The following IGDCC3 variants were observed in gnomAD, a reference collection of about 807,000 sequenced individuals.
IGDCC3 encodes immunoglobulin superfamily DCC subclass member 3, also known as putative neuronal cell adhesion molecule.
In IGDCC3, 47 loss-of-function variants were observed where a neutral mutation model predicts 72.0. That is an observed-to-expected ratio of 0.65 (90% CI 0.52 to 0.83). The LOEUF (loss-of-function observed/expected upper bound fraction) is 0.83. IGDCC3 is among the 40% of genes least tolerant of loss of function. IGDCC3 has a pLI of 0.00. For synonymous variants in IGDCC3, 477 were observed against 472.8 expected, an observed-to-expected ratio of 1.01 and a Z score of -0.11; for missense variants, 1,038 against 1,091.3, an observed-to-expected ratio of 0.95 and a Z score of 0.69.
intron 3 of IGDCC3, 93 bp downstream of exon 3, chr15:65,335,719 T>C (rs1490085652): frequency 1.4e-6 from 2 of 1,436,402 alleles, no homozygotes; most frequent in Middle Eastern, 1.8e-4. Flanking sequence ...GGGCACCAAC[T>C]GCAGCTCCCA....
Position 65,335,962 on chromosome 15 carries a change from G to A in IGDCC3, c.410-6C>T. 6.2e-7 allele frequency: 1 copy of A among 1,614,064 alleles called. No homozygotes were observed. Among genetic ancestry groups the A allele is most frequent in the Non-Finnish European group, 8.5e-7 (1 of 1,179,982 alleles). On this transcript the variant is annotated splice_region_variant and splice_polypyrimidine_tract_variant and intron_variant, in intron 2 of 13. Coordinates refer to ENST00000327987, the MANE Select transcript of IGDCC3 (RefSeq NM_004884.4). ...CACGTGGAAGTCCGACATGGCTGGG[G>A]GAAGAGAAGTGTATGAGTGCAGTGC...
intron 2 of IGDCC3, among the ~76,000 whole-genome samples, chr15:65,338,259 G>A (rs887864839): frequency 6.6e-6 from 1 of 152,216 alleles, no homozygotes; most frequent in Non-Finnish European, 1.5e-5. Flanking sequence ...GCACCTTGCT[G>A]TACCTCTCGA....
At chr15:65,363,368 G>A (rs996661302) in intron 2 of IGDCC3, among the ~76,000 whole-genome samples, 1 of 152,228 alleles carries the variant, frequency 6.6e-6, no homozygotes, top group Non-Finnish European at 1.5e-5. Flanking sequence ...AAGTCAGGCT[G>A]GGGAGCGAGT....
rs2090947573 is a variant in IGDCC3 at position 65,328,903 on chromosome 15, C to T, written c.*6G>A. ...CGTCCACCCTCTGGAGCCTGCCAGA[C>T]ACTGGCTACTGTTCCGAGTGAGCTG... On this transcript the variant is annotated 3_prime_UTR_variant, in exon 14 of 14. Transcript: ENST00000327987. 6.6e-7 allele frequency: 1 copy of T among 1,520,798 alleles called. No individual in the cohort carries two copies. Among genetic ancestry groups the T allele is most frequent in the Admixed American group, 2.2e-5 (1 of 44,544 alleles). 94.2% of individuals were successfully genotyped at this position (1,520,798 alleles called of 1,614,324 possible).
intron 2 of IGDCC3, among the ~76,000 whole-genome samples, chr15:65,354,398 C>T (rs1488591358): frequency 6.6e-6 from 1 of 152,146 alleles, no homozygotes; most frequent in Non-Finnish European, 1.5e-5. Flanking sequence ...CTTCCACTGC[C>T]CCCTCTGCCT....
At chr15:65,337,666 G>A (rs776144878) in intron 2 of IGDCC3, among the ~76,000 whole-genome samples, 2 of 152,110 alleles carry the variant, frequency 1.3e-5, no homozygotes, top group Non-Finnish European at 2.9e-5. Context: ...GGAGGGGGCC[G>A]AGGTGCTGCT....
At position 65,375,180 on chromosome 15, in the gene IGDCC3, G is replaced by C; in HGVS notation, c.326C>G (p.Pro109Arg). Residue 109 changes from proline (P) to arginine (R), a missense_variant, in exon 2 of 14, where the codon CCT becomes CGT. Physicochemically the swap from Pro to Arg is moderately radical, Grantham distance 103. Coordinates refer to ENST00000327987, the MANE Select transcript of IGDCC3 (RefSeq NM_004884.4). The part of the protein sequence containing the change: ...RHFRLEPGGS[P>R]SDEGDYECVA... The stretch of plus-strand genomic sequence containing the variant: ...ACACTCATAGTCACCTTCATCCGAA[G>C]GGCTGCCTCCCGGCTCCAGCCTGAA... The C allele has an allele frequency of 6.2e-7, 1 of 1,614,196 alleles. No homozygotes were observed. Among genetic ancestry groups the C allele is most frequent in the East Asian group, 2.2e-5 (1 of 44,882 alleles).
In IGDCC3 at chr15:65,333,392, C is replaced by T; in HGVS notation, c.847G>A (p.Gly283Ser). 6.2e-7 allele frequency: 1 copy of T among 1,607,754 alleles called. No individual in the cohort carries two copies. Among genetic ancestry groups the T allele is most frequent in the Non-Finnish European group, 8.5e-7 (1 of 1,176,952 alleles). Residue 283 changes from glycine to serine, a missense_variant, in exon 6 of 14, where the codon GGC (glycine) becomes AGC (serine). By Grantham distance (56) the Gly-to-Ser change is moderately conservative. Coordinates refer to ENST00000327987, the MANE Select transcript of IGDCC3 (RefSeq NM_004884.4). The stretch of plus-strand genomic sequence containing the variant: ...TTTCCTGTGCCCAGCACCTGGATGC[C>T]CTCCACCCCGATAGGGCGACCATCT... ...RLDGRPIGVE[G>S]IQVLGTGNLI...
intron 1 of IGDCC3, 101 bp from the exon 2 acceptor site, chr15:65,375,503 T>C: frequency 1.2e-6 from 1 of 862,626 alleles, no homozygotes. Context: ...CTTGGGTCTA[T>C]GCACCCCATC....
rs986717416 is a variant in IGDCC3 at position 65,365,274 on chromosome 15, G to GA, written c.409+9822_409+9823insT. ...GGCTAGAACTTGTGTCTCTCTCACG[G>GA]TGGTCTGTCCCCTCCTCCATTCAGG... is the stretch of plus-strand genomic sequence containing the variant. On this transcript the variant is annotated intron_variant, in intron 2 of 13. Coordinates refer to ENST00000327987, the MANE Select transcript of IGDCC3 (RefSeq NM_004884.4). 9.4e-4 allele frequency among the ~76,000 whole-genome samples: 143 copies of GA among 152,240 alleles called. 1 individual carries two copies. Among genetic ancestry groups the GA allele is most frequent in the Non-Finnish European group, 3.4e-4 (23 of 68,008 alleles).
intron 2 of IGDCC3, among the ~76,000 whole-genome samples, chr15:65,346,623 A>AT (rs1219303524): frequency 6.6e-6 from 1 of 151,912 alleles, no homozygotes; most frequent in East Asian, 1.9e-4. Flanking sequence ...TGCCCGGCTA[A>AT]TTTTTTTGTA....
intron 2 of IGDCC3, among the ~76,000 whole-genome samples, chr15:65,338,037 T>A (rs1004894583): frequency 1.3e-5 from 2 of 152,176 alleles, no homozygotes; most frequent in Admixed American, 6.5e-5. Context: ...GCGCTGGGGA[T>A]GGAGAAAGTC....
At chr15:65,366,476 T>TAGGACTG (rs1339432093) in intron 2 of IGDCC3, among the ~76,000 whole-genome samples, 1 of 150,930 alleles carries the variant, frequency 6.6e-6, no homozygotes, top group African/African-American at 2.4e-5. Flanking sequence ...CAGGAGAAAC[T>TAGGACTG]AGGACTGAGG....
At position 65,329,662 on chromosome 15, in the gene IGDCC3, T is replaced by G. The variant is rs1168804644; in HGVS notation, c.1997+64A>C. ...AGAGACAGAGGCAGTGAGCCCACAC[T>G]CACCTTCTCTAGGCCTAGTCCCCCA... is the stretch of plus-strand genomic sequence containing the variant. On this transcript the variant is annotated intron_variant, in intron 12 of 13. Coordinates refer to ENST00000327987, the MANE Select transcript of IGDCC3 (RefSeq NM_004884.4). The surrounding 1 kb of genome is among the most constrained non-coding windows in gnomAD (Gnocchi z 4.1). 6 of 1,611,584 alleles carry G rather than the reference T, an allele frequency of 3.7e-6. No individual in the cohort carries two copies. The highest frequency in any genetic ancestry group is 5.1e-6 in the Non-Finnish European group (6 of 1,178,300).
intron 2 of IGDCC3, among the ~76,000 whole-genome samples, chr15:65,357,861 ACTCC>A (rs2091235343): frequency 6.6e-6 from 1 of 151,994 alleles, no homozygotes; most frequent in Non-Finnish European, 1.5e-5. Flanking sequence ...CTGCCGAACT[ACTCC>A]CTGTTAGACC....
In IGDCC3 at chr15:65,335,802, C is replaced by T. The variant is rs372674963; in HGVS notation, c.554+10G>A. The stretch of plus-strand genomic sequence containing the variant: ...TTGTCCTCCCTCTGTCTTTCCCACA[C>T]GTGGCTCACCTCTCATTGTCCGTGT... On this transcript the variant is annotated intron_variant, in intron 3 of 13. Coordinates refer to ENST00000327987, the MANE Select transcript of IGDCC3 (RefSeq NM_004884.4). The T allele has an allele frequency of 4.0e-5, 64 of 1,613,892 alleles. No individual in the cohort carries two copies. The highest frequency in any genetic ancestry group is 5.0e-5 in the Admixed American group (3 of 59,996).
Position 65,375,200 on chromosome 15 carries a change from C to A in IGDCC3, c.306G>T (p.Arg102Ser), listed in dbSNP as rs777626888. 1.4e-5 allele frequency: 23 copies of A among 1,614,116 alleles called. No homozygotes were observed. In the African/African-American group the frequency reaches 2.1e-4, roughly 15 times the overall value. ...ANGSLMIRHF[R>S]LEPGGSPSDE... Reference sequence around the variant, plus strand: ...CCGAAGGGCTGCCTCCCGGCTCCAGCCTGAAGTGACGGATCATCAAGGACC... The same window carrying A: ...CCGAAGGGCTGCCTCCCGGCTCCAGACTGAAGTGACGGATCATCAAGGACC... Residue 102 changes from arginine to serine, a missense_variant, in exon 2 of 14, where the codon AGG (arginine) becomes AGT (serine). Arg to Ser is a moderately radical substitution (Grantham distance 110, BLOSUM62 -1). Coordinates refer to ENST00000327987, the MANE Select transcript of IGDCC3 (RefSeq NM_004884.4).
At position 65,329,348 on chromosome 15, in the gene IGDCC3, CAG is replaced by C. The variant is rs2090953831; in HGVS notation, c.2205+40_2205+41del. The C allele has an allele frequency of 1.3e-6, 2 of 1,556,320 alleles. No individual in the cohort carries two copies. Among genetic ancestry groups the C allele is most frequent in the Non-Finnish European group, 1.7e-6 (2 of 1,151,414 alleles). On this transcript the variant is annotated intron_variant, in intron 13 of 13. Coordinates refer to ENST00000327987, the MANE Select transcript of IGDCC3 (RefSeq NM_004884.4). The surrounding 1 kb of genome is among the most constrained non-coding windows in gnomAD (Gnocchi z 4.1). ...GGGCAGGATTGGAAGGTGGCAGTGT[CAG>C]AGCCTGAGGCGGGGGTTTGTTTAAG...
Position 65,335,925 on chromosome 15 carries a change from G to A in IGDCC3, c.441C>T (p.Ala147=). Residue 147 remains alanine (A), a synonymous_variant, in exon 3 of 14, where the codon GCC becomes GCT. Transcript: ENST00000327987. ...CCACACCACCCTCCTCACCCACGGTGGCCTGGGGATGCACGTGGAAGTCCG... is the reference window on the plus strand; with the variant it reads ...CCACACCACCCTCCTCACCCACGGTAGCCTGGGGATGCACGTGGAAGTCCG... ...TMSDFHVHPQ[A]TVGEEGGVAR... 1 of 1,614,158 alleles carries A rather than the reference G, an allele frequency of 6.2e-7. No individual in the cohort carries two copies. Among genetic ancestry groups the A allele is most frequent in the Non-Finnish European group, 8.5e-7 (1 of 1,179,988 alleles).
Sources: allele counts gnomAD v4.1 joint callset (sites outside exome capture counted in the v4.1 genomes callset), GRCh38; gene constraint gnomAD v4.1.1; non-coding constraint Gnocchi (gnomAD v3.1); transcripts MANE v1.5; gene names NCBI Gene and HGNC (gene_info 2026-07-23, HGNC 2026-07-21).